The following TSPAN18 variants were observed in gnomAD, a reference collection of about 807,000 sequenced individuals.
TSPAN18 encodes the protein tetraspanin 18, also known as tetraspanin-18.
A neutral mutation model predicts 27.3 loss-of-function variants in TSPAN18; 14 were observed. The observed-to-expected ratio is 0.51, with a 90% confidence interval of 0.34 to 0.80. The LOEUF is 0.80. Ranked by LOEUF, TSPAN18 falls within the 30% of genes least tolerant of loss-of-function variation. The pLI is 0.01. For synonymous variants in TSPAN18, 143 were observed against 136.5 expected (o/e 1.05, Z -0.33); for missense variants, 268 against 323.9 (o/e 0.83, Z 1.32).
At chr11:44,752,412 C>T (rs1212110572) in intron 1 of TSPAN18, among the ~76,000 whole-genome samples, 1 of 152,074 alleles carries the variant, frequency 6.6e-6, no homozygotes, top group East Asian at 1.9e-4. Context: ...CACAGGGTCT[C>T]ACTCTGTTGC....
intron 2 of TSPAN18, among the ~76,000 whole-genome samples, chr11:44,794,599 C>T (rs1856304320): frequency 6.6e-6 from 1 of 151,586 alleles, no homozygotes; most frequent in Non-Finnish European, 1.5e-5. Flanking sequence ...ACCCAGAAGG[C>T]GGAGGCTGCA....
At chr11:44,808,787 G>A (rs1856656033) in intron 2 of TSPAN18, among the ~76,000 whole-genome samples, 1 of 152,026 alleles carries the variant, frequency 6.6e-6, no homozygotes, top group South Asian at 2.1e-4. Flanking sequence ...CTCCCTCACC[G>A]TGGTTTGTGA....
At chr11:44,832,158 A>C (rs1258190183) in intron 2 of TSPAN18, among the ~76,000 whole-genome samples, 1 of 152,072 alleles carries the variant, frequency 6.6e-6, no homozygotes, top group Non-Finnish European at 1.5e-5. Flanking sequence ...TCCTCACTTC[A>C]TCAGAGGAGG....
chr11:44,728,741 C>T (rs948264100), intron 1 of TSPAN18, among the ~76,000 whole-genome samples: 1 of 152,182 alleles, frequency 6.6e-6, no homozygotes, highest in African/African-American at 2.4e-5. Context: ...GTCTGTGTGT[C>T]TGTGCCTTGG....
At chr11:44,797,473 G>A (rs772220561) in intron 2 of TSPAN18, among the ~76,000 whole-genome samples, 3 of 152,120 alleles carry the variant, frequency 2.0e-5, no homozygotes, top group Non-Finnish European at 4.4e-5. Flanking sequence ...CTTTCTGAGC[G>A]ATGTGAGGGA....
chr11:44,879,688 G>C (rs1463344899), intron 3 of TSPAN18, among the ~76,000 whole-genome samples: 1 of 152,228 alleles, frequency 6.6e-6, no homozygotes, highest in Non-Finnish European at 1.5e-5. Flanking sequence ...AACAAGGCAG[G>C]GCCAGGTCAC....
intron 3 of TSPAN18, among the ~76,000 whole-genome samples, chr11:44,864,712 G>T (rs1857988889): frequency 6.6e-6 from 1 of 152,224 alleles, no homozygotes; most frequent in African/African-American, 2.4e-5. Flanking sequence ...TGTTTCACGG[G>T]GAAGATGGGC....
chr11:44,914,043 A>G (rs1457058160), intron 5 of TSPAN18, among the ~76,000 whole-genome samples: 1 of 152,254 alleles, frequency 6.6e-6, no homozygotes, highest in Non-Finnish European at 1.5e-5. Context: ...CACATACTCA[A>G]GTCATGCCCA....
intron 2 of TSPAN18, among the ~76,000 whole-genome samples, chr11:44,792,360 C>T (rs1342541390): frequency 6.6e-6 from 1 of 152,170 alleles, no homozygotes; most frequent in Non-Finnish European, 1.5e-5. Context: ...CGGCCTGGAG[C>T]AGCCAGGGGC....
chr11:44,840,440 C>T (rs1857350889), intron 2 of TSPAN18, among the ~76,000 whole-genome samples: 1 of 152,198 alleles, frequency 6.6e-6, no homozygotes, highest in East Asian at 1.9e-4. Flanking sequence ...GCTTAATACT[C>T]CTAATAGCCC....
At chr11:44,733,151 T>G (rs947482521) in intron 1 of TSPAN18, among the ~76,000 whole-genome samples, 5 of 152,316 alleles carry the variant, frequency 3.3e-5, no homozygotes, top group Admixed American at 3.3e-4. Context: ...AGGCTGAGAA[T>G]GTAAGGAAGT....
At chr11:44,781,844 A>T (rs184891090) in intron 2 of TSPAN18, among the ~76,000 whole-genome samples, 7 of 152,238 alleles carry the variant, frequency 4.6e-5, no homozygotes, top group Non-Finnish European at 1.5e-5. Flanking sequence ...CTCCCCAGTT[A>T]ATCTCTGTTC....
intron 1 of TSPAN18, among the ~76,000 whole-genome samples, chr11:44,760,589 G>T (rs1264132111): frequency 2.6e-5 from 4 of 152,176 alleles, no homozygotes; most frequent in African/African-American, 9.7e-5. Context: ...ACATATTAAA[G>T]TTTCTCATCT....
chr11:44,775,614 C>G (rs920696818), intron 2 of TSPAN18, among the ~76,000 whole-genome samples: 2 of 151,894 alleles, frequency 1.3e-5, no homozygotes, highest in Non-Finnish European at 2.9e-5. Flanking sequence ...GGGAGGTGTA[C>G]ATTTGCACTC....
chr11:44,919,647 G>C (rs777022943), intron 7 of TSPAN18, 170 bp from the exon 8 acceptor site: 2 of 696,496 alleles, frequency 2.9e-6, no homozygotes, highest in Admixed American at 2.5e-5. Flanking sequence ...GACACTGAAG[G>C]CCCAGAGAAG....
intron 2 of TSPAN18, among the ~76,000 whole-genome samples, chr11:44,826,680 G>C (rs1857049489): frequency 6.6e-6 from 1 of 152,310 alleles, no homozygotes; most frequent in East Asian, 1.9e-4. Flanking sequence ...GCCAGGATTT[G>C]AAACCAGAAA....
At chr11:44,749,992 G>C (rs1232233294) in intron 1 of TSPAN18, among the ~76,000 whole-genome samples, 1 of 152,184 alleles carries the variant, frequency 6.6e-6, no homozygotes, top group Non-Finnish European at 1.5e-5. Context: ...TGTTGAAGCA[G>C]GCATGGGGGC....
chr11:44,878,502 C>G (rs1480947585), intron 3 of TSPAN18, among the ~76,000 whole-genome samples: 11 of 152,084 alleles, frequency 7.2e-5, no homozygotes, highest in Non-Finnish European at 1.3e-4. Flanking sequence ...GCAGTATGGG[C>G]TGTTGAGCCT....
At chr11:44,784,284 C>T (rs566344827) in intron 2 of TSPAN18, among the ~76,000 whole-genome samples, 8 of 152,268 alleles carry the variant, frequency 5.3e-5, no homozygotes, top group African/African-American at 1.9e-4. Context: ...CTCCCAGTGA[C>T]ATATGAGGAC....
Sources: gnomAD v4.1 joint callset for allele counts (sites outside exome capture counted in the v4.1 genomes callset) on GRCh38, gnomAD v4.1.1 for gene constraint, MANE v1.5 for transcripts, NCBI Gene and HGNC (gene_info 2026-07-23, HGNC 2026-07-21) for gene names.